Variants in MAF observed in about 807,000 individuals in gnomAD.
MAF encodes the protein MAF bZIP transcription factor, also known as transcription factor Maf.
MAF carries 10 observed loss-of-function variants against 22.0 expected under a neutral mutation model. The observed-to-expected ratio is 0.45, with a 90% CI of 0.28 to 0.77. The LOEUF (loss-of-function observed/expected upper bound fraction) is 0.77, where lower values mean the gene tolerates loss of function less well. Ranked by LOEUF, MAF falls within the 30% of genes least tolerant of loss-of-function variation. The probability of loss-of-function intolerance (pLI) is 0.12; values close to 1 mark genes in which losing one functional copy is unlikely to be tolerated. For synonymous variants in MAF, 337 were observed against 255.8 expected, an observed-to-expected ratio of 1.32 and a Z score of -3.03; for missense variants, 544 against 548.4, an observed-to-expected ratio of 0.99 and a Z score of 0.08.
chr16:79,500,588 C>T, the MAF span, among the ~76,000 whole-genome samples: 1 of 152,148 alleles, frequency 6.6e-6, no homozygotes, highest in Non-Finnish European at 1.5e-5. Flanking sequence ...ACTGGTCCCA[C>T]CCAGAGGCTG....
chr16:79,494,274 A>C, the MAF span, among the ~76,000 whole-genome samples: 108,228 of 151,998 alleles, frequency 0.71, 40,481 homozygotes, highest in East Asian at 0.92. Context: ...AGGCACTGGG[A>C]AAAAATTGGG....
At chr16:79,237,326 T>C in the MAF span, among the ~76,000 whole-genome samples, 451 of 152,164 alleles carry the variant, frequency 3.0e-3, 10 homozygotes, top group Admixed American at 0.023. Context: ...GACTTTGTCA[T>C]TGGTCACATT....
the MAF span, among the ~76,000 whole-genome samples, chr16:79,370,145 A>C: frequency 2.6e-5 from 4 of 152,200 alleles, no homozygotes; most frequent in South Asian, 8.3e-4. Context: ...TAATTGGCTA[A>C]AGTATACTTG....
intron 1 of MAF, chr16:79,597,791 G>T: frequency 1.0e-6 from 1 of 1,004,394 alleles, no homozygotes; most frequent in Non-Finnish European, 1.2e-6. Context: ...TACATGTCCA[G>T]CATGCAGGCT....
chr16:79,338,350 T>C, the MAF span, among the ~76,000 whole-genome samples: 2 of 152,168 alleles, frequency 1.3e-5, no homozygotes, highest in African/African-American at 4.8e-5. Flanking sequence ...TTGAAAGTGA[T>C]GGGGAGATAT....
the MAF span, among the ~76,000 whole-genome samples, chr16:79,502,708 A>AATAAATAAATAT: frequency 2.9e-5 from 1 of 34,008 alleles, no homozygotes; most frequent in African/African-American, 9.0e-5. Context: ...TATAAATATA[A>AATAAATAAATAT]ATATATATAT....
chr16:79,547,136 C>A, the MAF span, among the ~76,000 whole-genome samples: 2 of 152,044 alleles, frequency 1.3e-5, no homozygotes. Context: ...ACAGACGGTG[C>A]AGGGATGGAC....
chr16:79,375,644 A>C, the MAF span, among the ~76,000 whole-genome samples: 1 of 152,182 alleles, frequency 6.6e-6, no homozygotes, highest in Non-Finnish European at 1.5e-5. Flanking sequence ...TATTTAATGC[A>C]CATCCCAGGC....
the MAF span, among the ~76,000 whole-genome samples, chr16:79,421,519 T>A: frequency 6.6e-6 from 1 of 152,248 alleles, no homozygotes; most frequent in African/African-American, 2.4e-5. Context: ...AATATGCATT[T>A]GTTTCCTCTA....
chr16:79,211,976 G>GTAAA, the MAF span: 26 of 1,536,202 alleles, frequency 1.7e-5, no homozygotes, highest in East Asian at 1.2e-4. Context: ...GAATTCCTGG[G>GTAAA]GTAAAGTATC....
chr16:79,263,769 C>A, the MAF span, among the ~76,000 whole-genome samples: 14 of 152,330 alleles, frequency 9.2e-5, no homozygotes, highest in South Asian at 2.7e-3. Flanking sequence ...GTCAACTCCA[C>A]TTTTGTGACT....
chr16:79,255,623 C>G, the MAF span, among the ~76,000 whole-genome samples: 2 of 152,194 alleles, frequency 1.3e-5, 1 homozygote, highest in Admixed American at 1.3e-4. Flanking sequence ...ACAACCCCTT[C>G]TAAACTCTTG....
chr16:79,415,430 T>G, the MAF span, among the ~76,000 whole-genome samples: 234 of 151,196 alleles, frequency 1.5e-3, no homozygotes, highest in African/African-American at 5.2e-3. Flanking sequence ...AGGAAAATTG[T>G]TGGGTGGTTC....
the MAF span, among the ~76,000 whole-genome samples, chr16:79,545,555 C>A: frequency 1.3e-5 from 2 of 151,900 alleles, no homozygotes; most frequent in African/African-American, 2.4e-5. Context: ...AATAGAAAAT[C>A]GTGGACATTA....
chr16:79,368,537 C>T, the MAF span, among the ~76,000 whole-genome samples: 1 of 152,038 alleles, frequency 6.6e-6, no homozygotes, highest in African/African-American at 2.4e-5. Context: ...TGTGAAGTGT[C>T]TACTGTGCAT....
the MAF span, among the ~76,000 whole-genome samples, chr16:79,350,626 C>T: frequency 6.6e-6 from 1 of 152,148 alleles, no homozygotes; most frequent in African/African-American, 2.4e-5. Flanking sequence ...TCTGTCCTTC[C>T]CAGCCAACAG....
At chr16:79,383,853 G>C in the MAF span, among the ~76,000 whole-genome samples, 1 of 152,264 alleles carries the variant, frequency 6.6e-6, no homozygotes, top group African/African-American at 2.4e-5. Flanking sequence ...GGATGAACTA[G>C]TCATCAAGAT....
the MAF span, among the ~76,000 whole-genome samples, chr16:79,388,789 T>A: frequency 1.3e-5 from 2 of 152,200 alleles, no homozygotes; most frequent in South Asian, 2.1e-4. Flanking sequence ...TAGCCTTTTT[T>A]ATATATGTTC....
the MAF span, among the ~76,000 whole-genome samples, chr16:79,306,463 C>T: frequency 1.1e-4 from 16 of 152,298 alleles, no homozygotes; most frequent in South Asian, 1.7e-3. Flanking sequence ...CCCTGACCCA[C>T]GGAGCATTGC....
Sources: allele counts gnomAD v4.1 joint callset (sites outside exome capture counted in the v4.1 genomes callset), GRCh38; gene constraint gnomAD v4.1.1; transcripts MANE v1.5; gene names NCBI Gene and HGNC (gene_info 2026-07-23, HGNC 2026-07-21).